The following ARL10 variants were observed in gnomAD, a reference collection of about 807,000 sequenced individuals.
ARL10 encodes ARF like GTPase 10.
Under a neutral mutation model 26.1 loss-of-function variants are expected in ARL10, and 23 were observed. The ratio of observed to expected loss-of-function variants is 0.88; its 90% confidence interval spans 0.63 to 1.25. The LOEUF (loss-of-function observed/expected upper bound fraction) is 1.25. Ranked by LOEUF, ARL10 falls within the 50% of genes most tolerant of loss-of-function variation. The pLI is 0.00. For synonymous variants in ARL10, 138 were observed against 149.1 expected (o/e 0.93, Z 0.54); for missense variants, 300 against 323.6 (o/e 0.93, Z 0.56).
downstream of ARL10, chr5:176,389,441 A>G: frequency 1.9e-6 from 3 of 1,614,068 alleles, no homozygotes; most frequent in East Asian, 6.7e-5. Context: ...CCAGGGTTTC[A>G]CGGTCGCAGC....
chr5:176,394,208 C>T (rs569776371), intron 1 of ARL10, among the ~76,000 whole-genome samples: 22 of 152,302 alleles, frequency 1.4e-4, no homozygotes, highest in Non-Finnish European at 1.2e-4. Context: ...CGGAGCTGTC[C>T]CTTCAGGGTC....
downstream of ARL10, chr5:176,406,816 A>G: frequency 1.2e-6 from 1 of 812,900 alleles, no homozygotes; most frequent in Non-Finnish European, 1.7e-6. Context: ...TGCAGGCCAG[A>G]CCTGCTATGC....
intron 1 of ARL10, chr5:176,388,116 G>C (rs1423315196): frequency 7.0e-6 from 5 of 712,242 alleles, no homozygotes; most frequent in South Asian, 1.8e-5. Flanking sequence ...ACTGTGGGGA[G>C]GTCGAAAACT....
exon 2 of ARL10, chr5:176,388,441 C>A: frequency 6.2e-7 from 1 of 1,614,196 alleles, no homozygotes; most frequent in Non-Finnish European, 8.5e-7. Context: ...ACCATTCGAT[C>A]CGCGGCGCTG....
chr5:176,388,688 G>A (rs1756102847), downstream of ARL10: 1 of 1,381,728 alleles, frequency 7.2e-7, no homozygotes, highest in Non-Finnish European at 1.0e-6. Flanking sequence ...TGAGCACTAC[G>A]ACTCCCAGGA....
the ARL10 span, among the ~76,000 whole-genome samples, chr5:176,412,125 G>A: frequency 5.4e-5 from 8 of 147,024 alleles, no homozygotes; most frequent in East Asian, 2.0e-4. Flanking sequence ...GCAGTGAGCC[G>A]AGATCCCGCC....
In ARL10 at chr5:176,400,305, G is replaced by A. The variant is rs538852605; in HGVS notation, c.134-1436G>A. On this transcript the variant is annotated intron_variant, in intron 1 of 1. Transcript: ENST00000514533. ...TAATATTTGTGAGATATTTAGAAGA[G>A]TGCTTGGTGTGGAGTGATGGCTCAG... Among the ~76,000 whole-genome samples, 5 of 152,318 alleles carry A rather than the reference G, an allele frequency of 3.3e-5. No homozygotes were observed. In the East Asian group the frequency reaches 9.6e-4, roughly 29 times the overall value.
At chr5:176,402,957 T>G (rs901055759), downstream of ARL10, among the ~76,000 whole-genome samples, 3 of 151,982 alleles carry the variant, frequency 2.0e-5, no homozygotes, top group Non-Finnish European at 4.4e-5. Context: ...TGCTGCCAGA[T>G]GTGGGAGGAG....
intron 3 of ARL10, among the ~76,000 whole-genome samples, chr5:176,370,662 A>T (rs1768502756): frequency 6.6e-6 from 1 of 152,180 alleles, no homozygotes; most frequent in Non-Finnish European, 1.5e-5. Context: ...CAGGAATCAC[A>T]TCATGTCCTA....
downstream of ARL10, among the ~76,000 whole-genome samples, chr5:176,382,615 C>T (rs1755579854): frequency 6.6e-6 from 1 of 152,210 alleles, no homozygotes; most frequent in Admixed American, 6.5e-5. Flanking sequence ...ATTACCATCC[C>T]TCTGAAGAGA....
downstream of ARL10, chr5:176,388,712 T>C (rs1207269975): frequency 2.0e-6 from 3 of 1,481,196 alleles, no homozygotes; most frequent in Middle Eastern, 2.5e-4. Context: ...AACGAGCATT[T>C]GCGCCTGCGT....
At chr5:176,392,926 C>T (rs772117441), downstream of ARL10, 17 of 1,614,152 alleles carry the variant, frequency 1.1e-5, no homozygotes, top group Admixed American at 1.7e-5. The surrounding 1 kb of genome is among the most constrained non-coding windows in gnomAD (Gnocchi z 5.2). Context: ...GATTCCTTCA[C>T]GAAAGCCTCC....
chr5:176,388,778 G>C (rs201379910), downstream of ARL10: 4 of 1,600,156 alleles, frequency 2.5e-6, no homozygotes, highest in Middle Eastern at 5.6e-4. Flanking sequence ...CCGGGAGGCT[G>C]AGGTCGGAGT....
chr5:176,403,301 C>T (rs142362581), downstream of ARL10, among the ~76,000 whole-genome samples: 839 of 152,228 alleles, frequency 5.5e-3, 9 homozygotes, highest in African/African-American at 0.018. Flanking sequence ...CCACCCACCT[C>T]GGCCTCCCAA....
At chr5:176,411,185 C>T in the ARL10 span, among the ~76,000 whole-genome samples, 1 of 152,156 alleles carries the variant, frequency 6.6e-6, no homozygotes, top group African/African-American at 2.4e-5. Flanking sequence ...TAAATACATG[C>T]ATGAAAGAAA....
At chr5:176,383,441 GAT>G (rs1460147712), downstream of ARL10, among the ~76,000 whole-genome samples, 1 of 152,260 alleles carries the variant, frequency 6.6e-6, no homozygotes, top group Non-Finnish European at 1.5e-5. Flanking sequence ...GGCCCCAAAG[GAT>G]GGCCATGCCA....
downstream of ARL10, chr5:176,406,064 G>T: frequency 1.3e-6 from 1 of 756,294 alleles, no homozygotes; most frequent in Non-Finnish European, 1.6e-6. Flanking sequence ...ATTATTTCCG[G>T]GCTGCTCAGA....
intron 2 of ARL10, among the ~76,000 whole-genome samples, 182 bp downstream of exon 2, chr5:176,366,763 T>C (rs1008686567): frequency 4.6e-5 from 7 of 152,068 alleles, no homozygotes; most frequent in Non-Finnish European, 8.8e-5. Context: ...TTAGGGCCCT[T>C]CGTGATCGGG....
chr5:176,384,195 G>A (rs754304687), downstream of ARL10: 3 of 1,613,994 alleles, frequency 1.9e-6, no homozygotes, highest in Non-Finnish European at 1.7e-6. Flanking sequence ...TGGTCCGGGG[G>A]ACGCCTCAGC....
Sources: allele counts gnomAD v4.1 joint callset (sites outside exome capture counted in the v4.1 genomes callset), GRCh38; gene constraint gnomAD v4.1.1; non-coding constraint Gnocchi (gnomAD v3.1); transcripts MANE v1.5; gene names NCBI Gene and HGNC (gene_info 2026-07-23, HGNC 2026-07-21).